Variants in PRKG1 observed in about 807,000 individuals in gnomAD.
PRKG1 encodes the protein cGMP-dependent protein kinase 1.
Under a neutral mutation model 88.1 loss-of-function variants are expected in PRKG1, and 35 were observed. That is an observed-to-expected ratio of 0.40 (90% CI 0.30 to 0.53). The LOEUF (loss-of-function observed/expected upper bound fraction) is 0.53. PRKG1 is among the 20% of genes least tolerant of loss of function. The pLI is 0.59. For synonymous variants in PRKG1, 303 were observed against 292.5 expected, an observed-to-expected ratio of 1.04 and a Z score of -0.37; for missense variants, 540 against 839.8, an observed-to-expected ratio of 0.64 and a Z score of 4.41.
In PRKG1 at chr10:52,067,039, A is replaced by AT. The variant is rs376357320; in HGVS notation, c.935+4413dup. On this transcript the variant is annotated intron_variant, in intron 7 of 17. Transcript: ENST00000373980. Reference sequence around the variant, plus strand: ...TTTAATCTTTTGTTTGCATTTCAATATTTTTCACAAGAAATTCCAACATTT... The same window carrying AT: ...TTTAATCTTTTGTTTGCATTTCAATATTTTTTCACAAGAAATTCCAACATTT... 7.0e-4 allele frequency among the ~76,000 whole-genome samples: 106 copies of AT among 152,068 alleles called. 1 individual carries two copies. The highest frequency in any genetic ancestry group is 2.5e-3 in the African/African-American group (104 of 41,476).
At chr10:52,246,036 A>G (rs964705773) in intron 9 of PRKG1, among the ~76,000 whole-genome samples, 3 of 152,112 alleles carry the variant, frequency 2.0e-5, no homozygotes, top group African/African-American at 4.8e-5. Context: ...GGTGAAAGTA[A>G]AATTCTGAGT....
At chr10:51,699,253 C>A in intron 3 of PRKG1, 1 of 1,614,042 alleles carries the variant, frequency 6.2e-7, no homozygotes, top group East Asian at 2.2e-5. Context: ...TCTTTAACTC[C>A]TCCTTATTCT....
At chr10:51,911,129 A>G (rs969647250) in intron 5 of PRKG1, 1 of 152,166 alleles carries the variant, frequency 6.6e-6, no homozygotes, top group Non-Finnish European at 1.5e-5. Flanking sequence ...AATTTATGAG[A>G]AAAAGTACTG....
intron 9 of PRKG1, chr10:52,242,216 A>G (rs1353440015): frequency 6.6e-6 from 1 of 152,174 alleles, no homozygotes; most frequent in Non-Finnish European, 1.5e-5. Flanking sequence ...ATGCCATAAT[A>G]GTCACCAACT....
At chr10:51,415,104 TCACA>T (rs1240962370) in intron 2 of PRKG1, among the ~76,000 whole-genome samples, 2 of 152,204 alleles carry the variant, frequency 1.3e-5, no homozygotes, top group African/African-American at 4.8e-5. Context: ...TTGCCCCAGG[TCACA>T]CAGTCAGCGT....
At chr10:51,709,578 C>T (rs945779854) in intron 3 of PRKG1, among the ~76,000 whole-genome samples, 3 of 152,162 alleles carry the variant, frequency 2.0e-5, no homozygotes, top group Non-Finnish European at 4.4e-5. Flanking sequence ...TTTTGTTAGC[C>T]TTGAAAATGG....
In PRKG1 at chr10:52,298,210, T is replaced by A. The variant is rs1842421536; in HGVS notation, c.*4310T>A. On this transcript the variant is annotated 3_prime_UTR_variant, in exon 18 of 18. Transcript: ENST00000373980. ...CTGTCATCAAATGGTCATTGACCAC[T>A]TGCACTCTTTTGATGTAGATTAAAA... The A allele has an allele frequency of 6.6e-6, 1 of 152,008 alleles. No homozygotes were observed. The highest frequency in any genetic ancestry group is 2.1e-4 in the South Asian group (1 of 4,816). The allele number at this position is 152,008 out of a possible 1,614,324, so 9.4% of individuals were successfully genotyped here. A position where few individuals can be genotyped will look rare whatever the true frequency, so the allele number is the denominator to read the frequency against.
intron 3 of PRKG1, among the ~76,000 whole-genome samples, chr10:51,544,451 A>G (rs1842396898): frequency 6.6e-6 from 1 of 151,886 alleles, no homozygotes; most frequent in Non-Finnish European, 1.5e-5. Context: ...AATCCAGTCT[A>G]TCATTGATGG....
At chr10:51,713,650 T>C (rs1458238128) in intron 3 of PRKG1, among the ~76,000 whole-genome samples, 1 of 152,226 alleles carries the variant, frequency 6.6e-6, no homozygotes, top group East Asian at 1.9e-4. Context: ...AGATTTCATG[T>C]TTAGATGTTC....
chr10:51,628,023 TTTC>T (rs1839406997), intron 3 of PRKG1, among the ~76,000 whole-genome samples: 1 of 133,140 alleles, frequency 7.5e-6, no homozygotes, highest in African/African-American at 2.7e-5. Flanking sequence ...TCTTTCTTTC[TTTC>T]TTTCTTTCTT....
intron 2 of PRKG1, among the ~76,000 whole-genome samples, chr10:51,309,346 A>T (rs746154242): frequency 9.2e-5 from 14 of 152,202 alleles, no homozygotes; most frequent in Non-Finnish European, 1.8e-4. Flanking sequence ...CATCCAACAG[A>T]AAACTAATAT....
intron 1 of PRKG1, among the ~76,000 whole-genome samples, chr10:51,001,819 ATAT>A (rs1842892888): frequency 6.6e-6 from 1 of 152,198 alleles, no homozygotes; most frequent in Admixed American, 6.5e-5. Context: ...CAGAAGTATA[ATAT>A]TTAACAATTG....
chr10:51,547,745 T>C (rs1290759369), intron 3 of PRKG1, among the ~76,000 whole-genome samples: 1 of 152,136 alleles, frequency 6.6e-6, no homozygotes. Flanking sequence ...CCAATTTCTA[T>C]AGGTCCCCTA....
intron 3 of PRKG1, among the ~76,000 whole-genome samples, chr10:51,704,265 A>ATAGG (rs1380616643): frequency 6.6e-6 from 1 of 152,112 alleles, no homozygotes; most frequent in East Asian, 1.9e-4. Flanking sequence ...AGATAGATAG[A>ATAGG]TAGATAGATA....
chr10:51,045,721 TA>T (rs1843481176), intron 1 of PRKG1, among the ~76,000 whole-genome samples: 1 of 152,240 alleles, frequency 6.6e-6, no homozygotes, highest in Non-Finnish European at 1.5e-5. Context: ...TTATCTTTTT[TA>T]AACTAAATGT....
rs569142172 is a variant in PRKG1, at chr10:52,281,204, G to T, written c.1545+274G>T. On this transcript the variant is annotated intron_variant, in intron 13 of 17. Coordinates refer to ENST00000373980, the MANE Select transcript of PRKG1 (RefSeq NM_006258.4). Reference sequence around the variant, plus strand: ...CACACTTGCTGGCATGTGTTTACATGCCCAGAAGTCCTTTTCTCCAGTCAG... The same window carrying T: ...CACACTTGCTGGCATGTGTTTACATTCCCAGAAGTCCTTTTCTCCAGTCAG... Among the ~76,000 whole-genome samples, 10 of 152,200 alleles carry T rather than the reference G, an allele frequency of 6.6e-5. No individual in the cohort carries two copies. The South Asian group carries it at 2.1e-3, about 32-fold the overall frequency.
chr10:51,594,444 A>T (rs1179798722), intron 3 of PRKG1, among the ~76,000 whole-genome samples: 1 of 152,228 alleles, frequency 6.6e-6, no homozygotes, highest in Non-Finnish European at 1.5e-5. Context: ...TTGATATTAC[A>T]TCACAATAAA....
At chr10:51,580,980 C>T (rs914637384) in intron 3 of PRKG1, among the ~76,000 whole-genome samples, 6 of 151,694 alleles carry the variant, frequency 4.0e-5, no homozygotes, top group East Asian at 3.9e-4. Context: ...ATAATAGACA[C>T]GCACAAGATA....
intron 5 of PRKG1, among the ~76,000 whole-genome samples, chr10:52,027,240 G>A (rs1482643749): frequency 3.9e-5 from 6 of 152,096 alleles, no homozygotes; most frequent in Admixed American, 3.3e-4. Flanking sequence ...GATGGATAGC[G>A]ACAACAGCAA....
Sources: gnomAD v4.1 joint callset for allele counts (sites outside exome capture counted in the v4.1 genomes callset) on GRCh38, gnomAD v4.1.1 for gene constraint, MANE v1.5 for transcripts, NCBI Gene and HGNC (gene_info 2026-07-23, HGNC 2026-07-21) for gene names.